NFIX: variants seen among roughly 807,000 people sequenced by gnomAD.
NFIX encodes nuclear factor I X.
In NFIX, 2 loss-of-function variants were observed where a neutral mutation model predicts 53.3. That is an observed-to-expected ratio of 0.04 (90% confidence interval 0.02 to 0.12). The LOEUF (loss-of-function observed/expected upper bound fraction) is 0.12. Among genes scored for constraint, NFIX ranks in the 10% least tolerant of loss-of-function variants. NFIX has a pLI of 1.00. For missense variants in NFIX, 310 were observed against 674.5 expected (o/e 0.46, Z 5.99); for synonymous variants, 244 against 289.0 (o/e 0.84, Z 1.58).
chr19:13,054,888 A>C (rs959673845), intron 2 of NFIX, among the ~76,000 whole-genome samples: 6 of 152,196 alleles, frequency 3.9e-5, no homozygotes, highest in African/African-American at 1.4e-4. Flanking sequence ...AGACACACAC[A>C]GTCCTAATGA....
intron 2 of NFIX, among the ~76,000 whole-genome samples, chr19:13,058,181 AG>A (rs2015832687): frequency 6.6e-6 from 1 of 151,948 alleles, no homozygotes; most frequent in African/African-American, 2.4e-5. Context: ...GGATGGCAAG[AG>A]GGGTTTTGCA....
intron 1 of NFIX, among the ~76,000 whole-genome samples, chr19:12,999,360 G>A (rs910757903): frequency 6.6e-6 from 1 of 151,874 alleles, no homozygotes; most frequent in Non-Finnish European, 1.5e-5. Flanking sequence ...TTTTAGTGAA[G>A]ATGGGGTTTC....
intron 1 of NFIX, among the ~76,000 whole-genome samples, chr19:13,004,413 C>T (rs1333310464): frequency 6.6e-6 from 1 of 152,136 alleles, no homozygotes; most frequent in Admixed American, 6.5e-5. Context: ...CCTGCCAAAC[C>T]CAGGCACAGT....
intron 2 of NFIX, among the ~76,000 whole-genome samples, chr19:13,050,271 C>A (rs2015248555): frequency 6.6e-6 from 1 of 152,218 alleles, no homozygotes; most frequent in Non-Finnish European, 1.5e-5. Context: ...GTGTGCTGTG[C>A]TATTCCTGCC....
In NFIX at chr19:13,086,105, G is replaced by A. The variant is rs768249175; in HGVS notation, c.1255-1884G>A. On this transcript the variant is annotated intron_variant, in intron 8 of 10. Transcript: ENST00000592199. ...AATAGTCTTTCATACAGAGAGCTTC[G>A]CAGCAAGCCAGCGTGCAGTCCTGCC... Among the ~76,000 whole-genome samples the A allele has an allele frequency of 5.9e-5, 9 of 152,194 alleles. 1 individual carries two copies. The highest frequency in any genetic ancestry group is 1.3e-4 in the Admixed American group (2 of 15,284).
intron 1 of NFIX, among the ~76,000 whole-genome samples, chr19:13,019,533 C>G (rs1448180939): frequency 6.6e-6 from 1 of 151,934 alleles, no homozygotes; most frequent in Admixed American, 6.6e-5. Flanking sequence ...AGTTGTGGGC[C>G]TAGCTTGGCA....
At position 13,028,708 on chromosome 19, in the gene NFIX, G is replaced by C. The variant is rs945119677; in HGVS notation, c.559+3156G>C. Among the ~76,000 whole-genome samples the C allele has an allele frequency of 6.6e-6, 1 of 152,138 alleles. No individual in the cohort carries two copies. The highest frequency in any genetic ancestry group is 6.5e-5 in the Admixed American group (1 of 15,278). Reference sequence around the variant, plus strand: ...TCAGAGAGCACTGCCGTGGGGAGGAGGGTATCCATTTCCTGGTGATATCCT... The same window carrying C: ...TCAGAGAGCACTGCCGTGGGGAGGACGGTATCCATTTCCTGGTGATATCCT... On this transcript the variant is annotated intron_variant, in intron 2 of 10. Transcript: ENST00000592199. The surrounding 1 kb of genome is among the most constrained non-coding windows in gnomAD (Gnocchi z 4.2).
At chr19:13,024,135 A>G in intron 1 of NFIX, 2 of 847,762 alleles carry the variant, frequency 2.4e-6, no homozygotes, top group South Asian at 3.3e-5. Context: ...AAAAAACCAA[A>G]CAAAACCGAG....
chr19:13,047,953 C>A (rs1434028111), intron 2 of NFIX, among the ~76,000 whole-genome samples: 1 of 152,184 alleles, frequency 6.6e-6, no homozygotes, highest in Non-Finnish European at 1.5e-5. Flanking sequence ...TGGGATCTGC[C>A]CATGCTCTGC....
Position 13,012,636 on chromosome 19 carries a change from C to T in NFIX, c.28-12385C>T, listed in dbSNP as rs1266110268. On this transcript the variant is annotated intron_variant, in intron 1 of 10. Coordinates refer to ENST00000592199, the MANE Select transcript of NFIX (RefSeq NM_001365902.3). This position sits in a 1 kb window ranked among gnomAD's most constrained non-coding sequence, Gnocchi z 5.0. Reference sequence around the variant, plus strand: ...GGCCGCCTGTGCCTCAGTTTCTCTCCTCCTGCGCCCATCCTGACATCCGAC... The same window carrying T: ...GGCCGCCTGTGCCTCAGTTTCTCTCTTCCTGCGCCCATCCTGACATCCGAC... Among the ~76,000 whole-genome samples, 1 of 152,258 alleles carries T rather than the reference C, an allele frequency of 6.6e-6. No individual in the cohort carries two copies. The highest frequency in any genetic ancestry group is 1.5e-5 in the Non-Finnish European group (1 of 68,050).
At chr19:13,055,669 C>T (rs1568298526) in intron 2 of NFIX, among the ~76,000 whole-genome samples, 2 of 152,232 alleles carry the variant, frequency 1.3e-5, no homozygotes, top group Admixed American at 1.3e-4. Context: ...TCTGCTCGCC[C>T]CGGGCCTAGC....
chr19:13,061,678 A>G (rs2016103469), intron 2 of NFIX, among the ~76,000 whole-genome samples: 1 of 152,228 alleles, frequency 6.6e-6, no homozygotes, highest in Non-Finnish European at 1.5e-5. Context: ...GGAGCTATGA[A>G]TGAGGAATTT....
intron 2 of NFIX, among the ~76,000 whole-genome samples, chr19:13,054,239 C>T (rs1214456701): frequency 6.6e-6 from 1 of 152,198 alleles, no homozygotes; most frequent in Non-Finnish European, 1.5e-5. Context: ...AGGTTCAACT[C>T]CATCCCAGCT....
chr19:13,008,683 C>A (rs564129109), intron 1 of NFIX, among the ~76,000 whole-genome samples: 1 of 152,324 alleles, frequency 6.6e-6, no homozygotes, highest in East Asian at 1.9e-4. Context: ...GCATAGGGTA[C>A]GCATCCCTCA....
At chr19:13,059,151 C>G (rs2015897572) in intron 2 of NFIX, among the ~76,000 whole-genome samples, 1 of 152,208 alleles carries the variant, frequency 6.6e-6, no homozygotes, top group African/African-American at 2.4e-5. Flanking sequence ...AAGTCTGTCC[C>G]ATACTTAATT....
At position 13,094,806 on chromosome 19, in the gene NFIX, CCGGGGACCCCCG is replaced by C; in HGVS notation, c.*162_*173del. ...CCACTCAGCCCTTCTCTCCTCCAGC[CCGGGGACCCCCG>C]CGGGCCCCAGAAGCAGCCCAGTTCT... is the stretch of plus-strand genomic sequence containing the variant. On this transcript the variant is annotated 3_prime_UTR_variant, in exon 11 of 11. Transcript: ENST00000592199. The surrounding 1 kb of genome is among the most constrained non-coding windows in gnomAD (Gnocchi z 4.3). The C allele has an allele frequency of 1.3e-6, 1 of 747,866 alleles. No homozygotes were observed. The highest frequency in any genetic ancestry group is 2.1e-6 in the Non-Finnish European group (1 of 465,118). The allele number at this position is 747,866 out of a possible 1,614,324, so 46.3% of individuals were successfully genotyped here.
chr19:13,017,626 G>A (rs2012737963), intron 1 of NFIX, among the ~76,000 whole-genome samples: 1 of 152,288 alleles, frequency 6.6e-6, no homozygotes, highest in African/African-American at 2.4e-5. Context: ...TGCCTTTTGG[G>A]TTTTGTCACC....
intron 1 of NFIX, among the ~76,000 whole-genome samples, chr19:13,003,052 C>T (rs2011804684): frequency 6.6e-6 from 1 of 152,100 alleles, no homozygotes; most frequent in South Asian, 2.1e-4. Flanking sequence ...CCAAATTATC[C>T]AGGTGGTTCC....
chr19:13,045,204 G>T lies in NFIX; in HGVS notation c.559+19652G>T, dbSNP rs1252643984. Reference sequence around the variant, plus strand: ...GTGAGACAGTGGCTCTCTTCTGAGGGAGCTCCACAGCCACCATGGATTTAG... The same window carrying T: ...GTGAGACAGTGGCTCTCTTCTGAGGTAGCTCCACAGCCACCATGGATTTAG... On this transcript the variant is annotated intron_variant, in intron 2 of 10. Coordinates refer to ENST00000592199, the MANE Select transcript of NFIX (RefSeq NM_001365902.3). The surrounding 1 kb of genome is among the most constrained non-coding windows in gnomAD (Gnocchi z 4.4). Among the ~76,000 whole-genome samples, 1 of 152,180 alleles carries T rather than the reference G, an allele frequency of 6.6e-6. No homozygotes were observed. The highest frequency in any genetic ancestry group is 1.5e-5 in the Non-Finnish European group (1 of 68,024).
Sources: gnomAD v4.1 joint callset for allele counts (sites outside exome capture counted in the v4.1 genomes callset) on GRCh38, gnomAD v4.1.1 for gene constraint, Gnocchi (gnomAD v3.1) non-coding constraint, MANE v1.5 for transcripts, NCBI Gene and HGNC (gene_info 2026-07-23, HGNC 2026-07-21) for gene names.